PRDM16: variants seen among roughly 807,000 people sequenced by gnomAD.
PRDM16 encodes the protein PR/SET domain 16, also known as histone-lysine N-methyltransferase PRDM16.
In PRDM16, 23 loss-of-function variants were observed where a neutral mutation model predicts 110.6. The ratio of observed to expected loss-of-function variants is 0.21; its 90% CI spans 0.15 to 0.29. PRDM16 has a LOEUF of 0.29. PRDM16 is among the 10% of genes least tolerant of loss of function. PRDM16 has a pLI of 1.00. For missense variants in PRDM16, 1,615 were observed against 1,794.3 expected (o/e 0.90, Z 1.81); for synonymous variants, 799 against 781.8 (o/e 1.02, Z -0.37).
chr1:3,087,598 A>G (rs564748722), intron 1 of PRDM16, among the ~76,000 whole-genome samples: 2 of 152,244 alleles, frequency 1.3e-5, no homozygotes, highest in East Asian at 3.9e-4. Context: ...TGATTTCCCT[A>G]TCCGCAGATG....
chr1:3,212,032 G>A (rs1020275959), intron 2 of PRDM16, among the ~76,000 whole-genome samples: 10 of 152,190 alleles, frequency 6.6e-5, no homozygotes, highest in Admixed American at 5.2e-4. Flanking sequence ...TCCTCGCGTC[G>A]TCTTTGGGCC....
chr1:3,275,632 G>A (rs1417812185), intron 3 of PRDM16, among the ~76,000 whole-genome samples: 1 of 152,204 alleles, frequency 6.6e-6, no homozygotes, highest in Non-Finnish European at 1.5e-5. Flanking sequence ...GCCAGAGCCG[G>A]TCCTGCCCAG....
intron 1 of PRDM16, among the ~76,000 whole-genome samples, chr1:3,076,459 G>A (rs544986577): frequency 5.3e-5 from 8 of 152,316 alleles, no homozygotes; most frequent in South Asian, 2.1e-4. Context: ...AGTGGCCGCC[G>A]GCTGGTCCCC....
At chr1:3,192,034 G>A (rs1410656524) in intron 2 of PRDM16, among the ~76,000 whole-genome samples, 2 of 152,156 alleles carry the variant, frequency 1.3e-5, no homozygotes, top group African/African-American at 4.8e-5. Flanking sequence ...GGGTAGGGTA[G>A]GGAATCACCC....
At chr1:3,183,158 A>G (rs1352197664) in intron 1 of PRDM16, among the ~76,000 whole-genome samples, 1 of 152,130 alleles carries the variant, frequency 6.6e-6, no homozygotes, top group East Asian at 1.9e-4. Flanking sequence ...GGAAATGCAC[A>G]CCTGTGTCAC....
chr1:3,357,439 G>A (rs950627630), intron 3 of PRDM16, among the ~76,000 whole-genome samples: 5 of 151,842 alleles, frequency 3.3e-5, no homozygotes, highest in Middle Eastern at 3.4e-3. Flanking sequence ...GAGCACAGTC[G>A]ACAGGCAGGA....
At chr1:3,085,374 C>T (rs1278466458) in intron 1 of PRDM16, among the ~76,000 whole-genome samples, 2 of 152,224 alleles carry the variant, frequency 1.3e-5, no homozygotes, top group Non-Finnish European at 2.9e-5. Flanking sequence ...TACAGGGGCT[C>T]CGAGTCCCCT....
chr1:3,182,944 C>G (rs1454266804), intron 1 of PRDM16, among the ~76,000 whole-genome samples: 1 of 152,212 alleles, frequency 6.6e-6, no homozygotes, highest in Non-Finnish European at 1.5e-5. Context: ...CCCCACTCCC[C>G]TCCTTGCTTT....
rs539145906 is a variant in PRDM16, at chr1:3,153,605, C to T, written c.38-32520C>T. On this transcript the variant is annotated intron_variant, in intron 1 of 16. Transcript: ENST00000270722. The stretch of plus-strand genomic sequence containing the variant: ...GTCCTCAACGCTGGCAACAGTTTCT[C>T]TCGCTATGAGTTGGTCCCAGAGAGC... Among the ~76,000 whole-genome samples, 504 of 152,344 alleles carry T rather than the reference C, an allele frequency of 3.3e-3. 5 individuals are homozygous for T. Among genetic ancestry groups the T allele is most frequent in the African/African-American group, 0.012 (491 of 41,578 alleles).
intron 1 of PRDM16, among the ~76,000 whole-genome samples, chr1:3,094,648 A>T (rs567853050): frequency 4.2e-4 from 64 of 152,300 alleles, no homozygotes; most frequent in South Asian, 3.5e-3. Context: ...GACCAGGAAT[A>T]TGTTTTGCTT....
chr1:3,155,859 G>A (rs1401288683), intron 1 of PRDM16, among the ~76,000 whole-genome samples: 1 of 152,202 alleles, frequency 6.6e-6, no homozygotes, highest in Admixed American at 6.5e-5. Flanking sequence ...GCACCCCTGC[G>A]TTACCCTTGT....
intron 8 of PRDM16, among the ~76,000 whole-genome samples, chr1:3,409,140 TGA>T (rs763923153): frequency 7.0e-4 from 104 of 148,270 alleles, no homozygotes; most frequent in Middle Eastern, 7.4e-3. Context: ...TGTGAGTGTG[TGA>T]GTGTGGGTGT....
At chr1:3,103,961 G>T (rs116325366) in intron 1 of PRDM16, among the ~76,000 whole-genome samples, 2 of 152,180 alleles carry the variant, frequency 1.3e-5, no homozygotes, top group South Asian at 4.1e-4. Flanking sequence ...GGAGTTAACG[G>T]TTCAAACCTA....
In PRDM16 at chr1:3,108,227, T is replaced by C. The variant is rs146747171; in HGVS notation, c.37+38931T>C. On this transcript the variant is annotated intron_variant, in intron 1 of 16. Coordinates refer to ENST00000270722, the MANE Select transcript of PRDM16 (RefSeq NM_022114.4). ...TTTGCTTCCTTTAAAAATAAACCCT[T>C]CCCTATTCCCAATCCAAATTATCCT... 9.8e-5 allele frequency among the ~76,000 whole-genome samples: 15 copies of C among 152,322 alleles called. No homozygotes were observed. In the East Asian group the frequency reaches 2.7e-3, roughly 27 times the overall value.
rs148950428 is a variant in PRDM16 at position 3,263,138 on chromosome 1, C to T, written c.438+19001C>T. On this transcript the variant is annotated intron_variant, in intron 3 of 16. Transcript: ENST00000270722. ...GCCTGCCTGGCGGCCCCTCCCACCC[C>T]GCACGGGTCTCAGGCACCAGCAGCC... Among the ~76,000 whole-genome samples, 699 of 152,294 alleles carry T rather than the reference C, an allele frequency of 4.6e-3. 8 individuals carry two copies. Among genetic ancestry groups the T allele is most frequent in the African/African-American group, 0.014 (598 of 41,564 alleles).
chr1:3,203,242 A>G (rs1474053942), intron 2 of PRDM16, among the ~76,000 whole-genome samples: 1 of 151,358 alleles, frequency 6.6e-6, no homozygotes, highest in Admixed American at 6.6e-5. Flanking sequence ...GTCATCCTTG[A>G]GATGGTTGCG....
chr1:3,154,614 A>T (rs1030687612), intron 1 of PRDM16, among the ~76,000 whole-genome samples: 3 of 152,030 alleles, frequency 2.0e-5, no homozygotes, highest in Non-Finnish European at 4.4e-5. Flanking sequence ...GGTGTTCTTA[A>T]GGTCCCTGCA....
chr1:3,389,523 C>A (rs552585464), intron 4 of PRDM16, among the ~76,000 whole-genome samples: 1 of 152,312 alleles, frequency 6.6e-6, no homozygotes, highest in Admixed American at 6.5e-5. Context: ...GAGAGGTGAC[C>A]GGGCCCATCC....
In PRDM16 at chr1:3,430,200, G is replaced by A. The variant is rs111610649; in HGVS notation, c.3285-672G>A. Among the ~76,000 whole-genome samples the A allele has an allele frequency of 3.3e-3, 503 of 152,302 alleles. 3 individuals carry two copies. The highest frequency in any genetic ancestry group is 0.012 in the African/African-American group (488 of 41,568). On this transcript the variant is annotated intron_variant, in intron 14 of 16. Transcript: ENST00000270722. ...GGCTCTTCCTGAAAGAAATGAGAAT[G>A]CCCAGCCACACCCATGCACGCTTTG...
Sources: allele counts gnomAD v4.1 joint callset (sites outside exome capture counted in the v4.1 genomes callset), GRCh38; gene constraint gnomAD v4.1.1; transcripts MANE v1.5; gene names NCBI Gene and HGNC (gene_info 2026-07-23, HGNC 2026-07-21).